Variants in GIPC1 observed in about 807,000 individuals in gnomAD.
GIPC1 encodes GIPC PDZ domain containing family member 1.
Under a neutral mutation model 28.5 loss-of-function variants are expected in GIPC1, and 15 were observed. That is an observed-to-expected ratio of 0.53 (90% CI 0.35 to 0.81). The LOEUF is 0.81. GIPC1 is among the 30% of genes least tolerant of loss of function. The pLI, the probability that GIPC1 is intolerant of heterozygous loss-of-function variation, is 0.01. For synonymous variants in GIPC1, 224 were observed against 206.1 expected (o/e 1.09, Z -0.74); for missense variants, 439 against 481.9 (o/e 0.91, Z 0.83).
chr19:14,485,546 T>C (rs1476167045), intron 3 of GIPC1, among the ~76,000 whole-genome samples: 1 of 151,100 alleles, frequency 6.6e-6, no homozygotes, highest in East Asian at 2.0e-4. Context: ...AGCTACTGGG[T>C]AGGCTGAGGC....
intron 1 of GIPC1, among the ~76,000 whole-genome samples, chr19:14,494,962 C>T (rs1024570326): frequency 2.0e-5 from 3 of 152,080 alleles, no homozygotes; most frequent in African/African-American, 7.2e-5. Flanking sequence ...TTCCTGGGAG[C>T]ACACAGAAGC....
At chr19:14,479,806 AAGCAGGTGTACCCC>A in intron 6 of GIPC1, 4 of 397,338 alleles carry the variant, frequency 1.0e-5, no homozygotes. Flanking sequence ...GGGGGACAGG[AAGCAGGTGTACCCC>A]AGCCTGAGTC....
At chr19:14,480,278 G>T (rs1020114523) in intron 6 of GIPC1, 27 bp downstream of exon 6, 1 of 1,593,088 alleles carries the variant, frequency 6.3e-7, no homozygotes, top group African/African-American at 1.3e-5. Context: ...CAGCGCCACT[G>T]GGGAGGTCCA....
intron 3 of GIPC1, 28 bp from the exon 4 acceptor site, chr19:14,483,034 C>A: frequency 4.5e-6 from 7 of 1,545,950 alleles, no homozygotes; most frequent in Non-Finnish European, 6.1e-6. Context: ...GGGCTCAGGG[C>A]CTGGGCAGAG....
At chr19:14,486,328 A>C (rs752023773) in intron 3 of GIPC1, among the ~76,000 whole-genome samples, 3 of 152,162 alleles carry the variant, frequency 2.0e-5, no homozygotes, top group Non-Finnish European at 4.4e-5. Context: ...TGTGTGCAAA[A>C]AATTTCTGAC....
rs8103565 is a variant in GIPC1, at chr19:14,495,332, T to C, written c.-175+705A>G. Among the ~76,000 whole-genome samples the C allele has an allele frequency of 5.4e-3, 633 of 118,066 alleles. 4 individuals are homozygous for C. The highest frequency in any genetic ancestry group is 0.019 in the African/African-American group (591 of 30,656). The allele number at this position is 118,066 out of a possible 152,430, so 77.5% of individuals were successfully genotyped here. On this transcript the variant is annotated intron_variant, in intron 1 of 8. Coordinates refer to ENST00000393033, the MANE Select transcript of GIPC1 (RefSeq NM_005716.4). Reference sequence around the variant, plus strand: ...AGTACGGGGTAGGGGGTGGGAGGGGTAGGGGGCCGGAGCTACTCAGCAACA... The same window carrying C: ...AGTACGGGGTAGGGGGTGGGAGGGGCAGGGGGCCGGAGCTACTCAGCAACA...
intron 3 of GIPC1, among the ~76,000 whole-genome samples, chr19:14,490,936 C>T (rs1164544454): frequency 6.9e-6 from 1 of 145,772 alleles, no homozygotes; most frequent in Non-Finnish European, 1.5e-5. Flanking sequence ...GATCATGCCA[C>T]TGCACTCTAG....
intron 6 of GIPC1, 47 bp downstream of exon 6, chr19:14,480,258 C>A (rs376218792): frequency 1.7e-4 from 259 of 1,534,232 alleles, no homozygotes; most frequent in Non-Finnish European, 3.2e-5. Context: ...ACCGCCTGCG[C>A]CCATGCGAGC....
At chr19:14,487,786 C>T in intron 3 of GIPC1, among the ~76,000 whole-genome samples, 1 of 150,210 alleles carries the variant, frequency 6.7e-6, no homozygotes, top group East Asian at 1.9e-4. Flanking sequence ...AAGTGATCCT[C>T]CCGCCCCAGC....
chr19:14,478,382 G>C lies in GIPC1; in HGVS notation c.*34C>G. On this transcript the variant is annotated 3_prime_UTR_variant, in exon 9 of 9. Coordinates refer to ENST00000393033, the MANE Select transcript of GIPC1 (RefSeq NM_005716.4). The surrounding 1 kb of genome is among the most constrained non-coding windows in gnomAD (Gnocchi z 5.2). The stretch of plus-strand genomic sequence containing the variant: ...CTGCTGGGGGCCCCCACCAGGTTGC[G>C]CCCGGGTCATCATCGCAGGGTCCGG... The C allele has an allele frequency of 6.4e-7, 1 of 1,567,388 alleles. No individual in the cohort carries two copies. The highest frequency in any genetic ancestry group is 2.3e-5 in the East Asian group (1 of 42,940).
At chr19:14,488,049 G>A (rs868247379) in intron 3 of GIPC1, among the ~76,000 whole-genome samples, 2 of 152,094 alleles carry the variant, frequency 1.3e-5, no homozygotes, top group South Asian at 2.1e-4. Flanking sequence ...CAGTGAGGGC[G>A]TCTCTGAGCA....
intron 5 of GIPC1, 26 bp downstream of exon 5, chr19:14,480,567 C>T (rs1379890081): frequency 2.1e-5 from 34 of 1,610,140 alleles, no homozygotes; most frequent in Non-Finnish European, 2.8e-5. Flanking sequence ...TCCCAGGCCT[C>T]CGGGGTGCCC....
chr19:14,485,755 A>AGAG (rs1198283487), intron 3 of GIPC1, among the ~76,000 whole-genome samples: 1 of 147,768 alleles, frequency 6.8e-6, no homozygotes, highest in African/African-American at 2.5e-5. Context: ...AGAGAGGGAG[A>AGAG]GAGAGAGAAA....
In GIPC1 at chr19:14,480,251, G is replaced by A. The variant is rs889858375; in HGVS notation, c.655+54C>T. On this transcript the variant is annotated intron_variant, in intron 6 of 8. Coordinates refer to ENST00000393033, the MANE Select transcript of GIPC1 (RefSeq NM_005716.4). ...CCTGCTGGCCGCTCCCGGCACCACC[G>A]CCTGCGCCCATGCGAGCAGCGCCAC... The A allele has an allele frequency of 9.3e-6, 14 of 1,498,124 alleles. No individual in the cohort carries two copies. The East Asian group carries it at 1.6e-4, about 17-fold the overall frequency. The allele number at this position is 1,498,124 out of a possible 1,614,324, so 92.8% of individuals were successfully genotyped here. A position where few individuals can be genotyped will look rare whatever the true frequency, so the allele number is the denominator to read the frequency against.
intron 3 of GIPC1, among the ~76,000 whole-genome samples, chr19:14,485,702 T>TATAGAGAGAGAGAGAG (rs1300117748): frequency 3.4e-5 from 2 of 58,802 alleles, no homozygotes; most frequent in Non-Finnish European, 3.7e-5. Context: ...TATATATATA[T>TATAGAGAGAGAGAGAG]AGAGAGAGAG....
intron 6 of GIPC1, 66 bp from the exon 7 acceptor site, chr19:14,479,590 T>C: frequency 1.2e-6 from 1 of 800,108 alleles, no homozygotes; most frequent in South Asian, 2.5e-5. Flanking sequence ...GGGCAGGAAC[T>C]TGTCCTTCCT....
At position 14,479,451 on chromosome 19, in the gene GIPC1, C is replaced by T. The variant is rs913919668; in HGVS notation, c.729G>A (p.Leu243=). The T allele has an allele frequency of 1.4e-6, 2 of 1,431,550 alleles. No homozygotes were observed. Among genetic ancestry groups the T allele is most frequent in the Admixed American group, 3.2e-5 (1 of 30,912 alleles). The allele number at this position is 1,431,550 out of a possible 1,614,324, so 88.7% of individuals were successfully genotyped here. Reference sequence around the variant, plus strand: ...TGGCGGGGCCCCGGGATCGGAGCCGCAGGGTCCCTCGGCCAGTGCCCAGTT... The same window carrying T: ...TGGCGGGGCCCCGGGATCGGAGCCGTAGGGTCCCTCGGCCAGTGCCCAGTT... ...GPQLGTGRGT[L]RLRSRGPATV... is the part of the protein sequence containing the mutation. Residue 243 remains leucine (L), a synonymous_variant, in exon 7 of 9, where the codon CTG becomes CTA. Coordinates refer to ENST00000393033, the MANE Select transcript of GIPC1 (RefSeq NM_005716.4).
intron 3 of GIPC1, among the ~76,000 whole-genome samples, chr19:14,490,013 G>C (rs1599361838): frequency 6.6e-6 from 1 of 152,144 alleles, no homozygotes; most frequent in Admixed American, 6.6e-5. Context: ...TGAATGGCTT[G>C]AAGTAGCTCT....
intron 1 of GIPC1, among the ~76,000 whole-genome samples, chr19:14,495,696 G>A (rs2072060913): frequency 6.6e-6 from 1 of 152,096 alleles, no homozygotes. Context: ...GGTTAGCTCA[G>A]GGGAAGTGCC....
Sources: gnomAD v4.1 joint callset for allele counts (sites outside exome capture counted in the v4.1 genomes callset) on GRCh38, gnomAD v4.1.1 for gene constraint, Gnocchi (gnomAD v3.1) non-coding constraint, MANE v1.5 for transcripts, NCBI Gene and HGNC (gene_info 2026-07-23, HGNC 2026-07-21) for gene names.